Variants in ZNF839 observed in about 807,000 individuals in gnomAD.
The protein encoded by ZNF839 is renal carcinoma antigen NY-REN-50.
In ZNF839, 38 loss-of-function variants were observed where a neutral mutation model predicts 56.4. The ratio of observed to expected loss-of-function variants is 0.67; its 90% CI spans 0.52 to 0.88. The LOEUF (loss-of-function observed/expected upper bound fraction) is 0.88, where lower values mean the gene tolerates loss of function less well. Among genes scored for constraint, ZNF839 ranks in the 40% least tolerant of loss-of-function variants. The probability of loss-of-function intolerance (pLI) is 0.00; values close to 1 mark genes in which losing one functional copy is unlikely to be tolerated. For synonymous variants in ZNF839, 486 were observed against 493.5 expected (o/e 0.98, Z 0.20); for missense variants, 1,091 against 1,177.6 (o/e 0.93, Z 1.08).
At chr14:102,340,530 C>T (rs947454560) in intron 7 of ZNF839, among the ~76,000 whole-genome samples, 1 of 152,148 alleles carries the variant, frequency 6.6e-6, no homozygotes, top group Non-Finnish European at 1.5e-5. Context: ...CCTCAGCCTC[C>T]CATAGTGCTA....
chr14:102,335,795 C>A lies in ZNF839; in HGVS notation c.1616C>A (p.Ser539Tyr), dbSNP rs770685494. The change falls in exon 5 of 8, where the codon TCT becomes TAT. Residue 539 changes from serine (S) to tyrosine (Y), a missense_variant. Physicochemically the swap from Ser to Tyr is moderately radical, Grantham distance 144 (BLOSUM62 -2). This residue lies in a region of ZNF839 where 46 missense variants were observed against 80.4 expected (regional missense o/e 0.57). Transcript: ENST00000442396. Reference protein sequence around the residue: ...KKMCQDYLSSSGLCSQETLEI... With the variant: ...KKMCQDYLSSYGLCSQETLEI... ...ATGTGCCAAGATTACCTCAGTAGTT[C>A]TGGTCTGTGTTCCCAGGAGACCCTG... 1 of 1,608,852 alleles carries A rather than the reference C, an allele frequency of 6.2e-7. No individual in the cohort carries two copies. Among genetic ancestry groups the A allele is most frequent in the Non-Finnish European group, 8.5e-7 (1 of 1,179,866 alleles).
chr14:102,341,191 G>A, intron 7 of ZNF839, 132 bp from the exon 8 acceptor site: 1 of 1,085,748 alleles, frequency 9.2e-7, no homozygotes, highest in Non-Finnish European at 1.3e-6. Context: ...CAATCCCAAG[G>A]AGCAAGGAGC....
In ZNF839 at chr14:102,341,657, T is replaced by C. The variant is rs776192671; in HGVS notation, c.2262T>C (p.Gly754=). Residue 754 remains glycine, a synonymous_variant, in exon 8 of 8, where the codon GGT becomes GGC. Coordinates refer to ENST00000442396, the MANE Select transcript of ZNF839 (RefSeq NM_018335.6). ...TCTGCAGCCCTTTGTCATCTGGTGG[T>C]GGAGCAGAGTCCCTGCCGCCTGGGG... is the stretch of plus-strand genomic sequence containing the variant. ...PGFCSPLSSG[G]GAESLPPGGP... 2.5e-6 allele frequency: 4 copies of C among 1,613,916 alleles called. No homozygotes were observed. Among genetic ancestry groups the C allele is most frequent in the Non-Finnish European group, 3.4e-6 (4 of 1,179,876 alleles).
At position 102,326,181 on chromosome 14, in the gene ZNF839, A is replaced by G; in HGVS notation, c.485A>G (p.Gln162Arg). The G allele has an allele frequency of 6.2e-7, 1 of 1,613,720 alleles. No individual in the cohort carries two copies. Among genetic ancestry groups the G allele is most frequent in the East Asian group, 2.2e-5 (1 of 44,866 alleles). Residue 162 changes from glutamine (Q) to arginine (R), a missense_variant, in exon 2 of 8, where the codon CAG becomes CGG. Around this residue, in one of 3 missense-constraint regions of ZNF839, gnomAD observed 614 missense variants for 629.2 expected, o/e 0.98. Transcript: ENST00000442396. This position sits in a 1 kb window ranked among gnomAD's most constrained non-coding sequence, Gnocchi z 4.3. ...CAGCCGCTTGTGAGAACCGAGCCAC[A>G]GTCCTGCTTCCTAAGTGACTTATGC... The part of the protein sequence containing the change: ...RVQPLVRTEP[Q>R]SCFLSDLCQP...
intron 3 of ZNF839, among the ~76,000 whole-genome samples, chr14:102,334,155 G>T (rs1164015718): frequency 6.6e-6 from 1 of 152,206 alleles, no homozygotes; most frequent in Non-Finnish European, 1.5e-5. Flanking sequence ...TCCAAACCTT[G>T]GCCCCTCTCA....
intron 2 of ZNF839, among the ~76,000 whole-genome samples, chr14:102,328,375 AATATATATATATATATAT>A (rs71116898): frequency 0.015 from 248 of 16,334 alleles, 5 homozygotes; most frequent in African/African-American, 0.036. Context: ...AAAAAAAAAA[AATATATATATATATATAT>A]ATATATATAT....
intron 1 of ZNF839, among the ~76,000 whole-genome samples, chr14:102,320,820 C>T (rs898916520): frequency 2.6e-5 from 4 of 152,168 alleles, no homozygotes; most frequent in African/African-American, 4.8e-5. Context: ...AGAAGACGGT[C>T]GCCCAACTCC....
intron 1 of ZNF839, among the ~76,000 whole-genome samples, chr14:102,324,912 T>C (rs556611123): frequency 7.0e-6 from 1 of 143,778 alleles, no homozygotes; most frequent in Non-Finnish European, 1.5e-5. Context: ...ATAGTGTCGC[T>C]CCACTCCAGC....
chr14:102,339,044 C>G, intron 6 of ZNF839, 50 bp from the exon 7 acceptor site: 1 of 1,613,078 alleles, frequency 6.2e-7, no homozygotes, highest in Non-Finnish European at 8.5e-7. Flanking sequence ...GAGGAGGTAG[C>G]GGTTTGCCTA....
At chr14:102,340,877 C>T (rs1478767955) in intron 7 of ZNF839, among the ~76,000 whole-genome samples, 6 of 151,944 alleles carry the variant, frequency 3.9e-5, no homozygotes, top group Admixed American at 1.3e-4. Flanking sequence ...TGAGACCAGC[C>T]TGACCTACAT....
Position 102,342,132 on chromosome 14 carries a change from G to A in ZNF839, c.2737G>A (p.Val913Ile), listed in dbSNP as rs1420093282. ...AATAGTGTCTCAGGAGGAGGACATT[G>A]TCACAGTGACTGATGCAGAGGGGCG... ...GTIVSQEEDI[V>I]TVTDAEGRAC... Residue 913 changes from valine to isoleucine, a missense_variant, in exon 8 of 8, where the codon GTC (valine) becomes ATC (isoleucine). By Grantham distance (29) the Val-to-Ile change is conservative (BLOSUM62 3). Coordinates refer to ENST00000442396, the MANE Select transcript of ZNF839 (RefSeq NM_018335.6). 6.2e-7 allele frequency: 1 copy of A among 1,613,684 alleles called. No individual in the cohort carries two copies. The highest frequency in any genetic ancestry group is 1.3e-5 in the African/African-American group (1 of 74,948).
At position 102,342,207 on chromosome 14, in the gene ZNF839, C is replaced by T. The variant is rs763959275; in HGVS notation, c.*28C>T. The T allele has an allele frequency of 5.8e-6, 9 of 1,555,882 alleles. No individual in the cohort carries two copies. The highest frequency in any genetic ancestry group is 7.0e-6 in the Non-Finnish European group (8 of 1,147,784). The stretch of plus-strand genomic sequence containing the variant: ...GGAGTTCCTCTAGAAGCTGTGGAGT[C>T]GGTCGTCACCGTGGAGCCAGAGCCC... On this transcript the variant is annotated 3_prime_UTR_variant, in exon 8 of 8. Transcript: ENST00000442396.
Position 102,326,092 on chromosome 14 carries a change from G to C in ZNF839, c.396G>C (p.Gln132His). 6.2e-7 allele frequency: 1 copy of C among 1,613,954 alleles called. No individual in the cohort carries two copies. The highest frequency in any genetic ancestry group is 8.5e-7 in the Non-Finnish European group (1 of 1,179,864). Residue 132 changes from glutamine to histidine, a missense_variant, in exon 2 of 8, where the codon CAG becomes CAC. Physicochemically the swap from Gln to His is conservative, Grantham distance 24 (BLOSUM62 0). Coordinates refer to ENST00000442396, the MANE Select transcript of ZNF839 (RefSeq NM_018335.6). This position sits in a 1 kb window ranked among gnomAD's most constrained non-coding sequence, Gnocchi z 4.3. ...AGCCCCAAACTGCAAGAAAGAGCCA[G>C]CTGCCCCGGGGGAATTCCTGCCTGG... ...TIQPQTARKS[Q>H]LPRGNSCLVG...
rs757678865 is a variant in ZNF839, at chr14:102,338,897, C to T, written c.1741C>T (p.Arg581Ter). The T allele has an allele frequency of 3.7e-6, 6 of 1,613,836 alleles. No homozygotes were observed. Among genetic ancestry groups the T allele is most frequent in the East Asian group, 4.5e-5 (2 of 44,868 alleles). Residue 581 changes from arginine to a stop codon, truncating the protein, a stop_gained, in exon 6 of 8, where the codon CGA becomes TGA. Transcript: ENST00000442396. LOFTEE classifies it high-confidence loss of function. The part of the protein sequence containing the change: ...PDNLGPKHLS[R>*]DMDGEQLEGA... ...CAACCTTGGACCCAAGCACCTCAGC[C>T]GAGACATGGATGGGGAGCAGCTAGA... is the stretch of plus-strand genomic sequence containing the variant.
intron 5 of ZNF839, among the ~76,000 whole-genome samples, chr14:102,338,539 GAAAAAA>G (rs954011615): frequency 1.2e-4 from 4 of 32,098 alleles, no homozygotes; most frequent in Admixed American, 6.2e-4. Flanking sequence ...CTCTGTCTCA[GAAAAAA>G]AAAAAAAAAA....
At chr14:102,335,205 C>T (rs1362227948) in intron 4 of ZNF839, 2 of 154,818 alleles carry the variant, frequency 1.3e-5, no homozygotes, top group Non-Finnish European at 2.9e-5. Context: ...CGTTTACTCC[C>T]TTGACTTTTA....
At chr14:102,325,142 C>T (rs1270280703) in intron 1 of ZNF839, among the ~76,000 whole-genome samples, 2 of 151,844 alleles carry the variant, frequency 1.3e-5, no homozygotes, top group Non-Finnish European at 2.9e-5. Context: ...AATCACTTGA[C>T]GTCAGGAATT....
chr14:102,341,375 T>C lies in ZNF839; in HGVS notation c.1980T>C (p.His660=), dbSNP rs1000094381. 4 of 1,543,654 alleles carry C rather than the reference T, an allele frequency of 2.6e-6. No individual in the cohort carries two copies. Among genetic ancestry groups the C allele is most frequent in the African/African-American group, 1.4e-5 (1 of 72,270 alleles). The change falls in exon 8 of 8, where the codon CAT becomes CAC. Residue 660 remains histidine, a synonymous_variant. Coordinates refer to ENST00000442396, the MANE Select transcript of ZNF839 (RefSeq NM_018335.6). The part of the protein sequence containing the change: ...VTVSPRSEES[H]TTTVSGGNGS... The stretch of plus-strand genomic sequence containing the variant: ...TCTCTCCCCGTTCTGAAGAAAGCCA[T>C]ACAACGACGGTTTCTGGTGGCAATG...
chr14:102,328,588 CGTT>C (rs2073599191), intron 2 of ZNF839, among the ~76,000 whole-genome samples: 1 of 151,454 alleles, frequency 6.6e-6, no homozygotes, highest in African/African-American at 2.4e-5. Flanking sequence ...CCGAGCTTCA[CGTT>C]GGGCTAAGTG....
Sources: allele counts gnomAD v4.1 joint callset (sites outside exome capture counted in the v4.1 genomes callset), GRCh38; gene constraint gnomAD v4.1.1; regional missense constraint gnomAD v4.1.1; non-coding constraint Gnocchi (gnomAD v3.1); transcripts MANE v1.5; gene names NCBI Gene and HGNC (gene_info 2026-07-23, HGNC 2026-07-21).